The following UGT1A10 variants were observed in gnomAD, a reference collection of about 807,000 sequenced individuals.
UGT1A10 encodes UDP-glucuronosyltransferase 1A10.
In UGT1A10, 49 loss-of-function variants were observed where a neutral mutation model predicts 45.8. The observed-to-expected ratio is 1.07, with a 90% CI of 0.85 to 1.36. UGT1A10 has a LOEUF of 1.36. Among genes scored for constraint, UGT1A10 ranks in the 40% most tolerant of loss-of-function variants. UGT1A10 has a pLI of 0.00. For missense variants in UGT1A10, 745 were observed against 668.6 expected (o/e 1.11, Z -1.26); for synonymous variants, 284 against 249.7 (o/e 1.14, Z -1.29).
chr2:233,728,938 C>T (rs1263603941), intron 1 of UGT1A10, among the ~76,000 whole-genome samples: 18 of 152,162 alleles, frequency 1.2e-4, no homozygotes, highest in Admixed American at 9.2e-4. Flanking sequence ...CGGTCTTTTC[C>T]AGGGTGGGGC....
At chr2:233,653,006 G>A (rs768465175) in intron 1 of UGT1A10, among the ~76,000 whole-genome samples, 9 of 152,122 alleles carry the variant, frequency 5.9e-5, no homozygotes, top group African/African-American at 2.2e-4. Flanking sequence ...GGACACTATC[G>A]AGAGAGTGAA....
At chr2:233,666,571 G>C (rs1358698571) in intron 1 of UGT1A10, among the ~76,000 whole-genome samples, 1 of 151,710 alleles carries the variant, frequency 6.6e-6, no homozygotes, top group African/African-American at 2.4e-5. Context: ...TTATATTCTG[G>C]ATATTTATCC....
chr2:233,747,095 T>C, intron 1 of UGT1A10: 1 of 1,292,004 alleles, frequency 7.7e-7, no homozygotes, highest in South Asian at 1.4e-5. Context: ...GAGCACTCTA[T>C]CTTCCAATTA....
At chr2:233,702,551 G>A (rs1489812994) in intron 1 of UGT1A10, among the ~76,000 whole-genome samples, 1 of 152,126 alleles carries the variant, frequency 6.6e-6, no homozygotes, top group Admixed American at 6.5e-5. Flanking sequence ...CTTAGGTGGG[G>A]AAGTATTCAG....
chr2:233,761,269 T>C, intron 1 of UGT1A10: 1 of 1,591,986 alleles, frequency 6.3e-7, no homozygotes, highest in Non-Finnish European at 8.6e-7. Context: ...TAAAATGCCC[T>C]CTTTTGTTAA....
rs201446096 is a variant in UGT1A10, at chr2:233,743,635, G to A, written c.856-23399G>A. On this transcript the variant is annotated intron_variant, in intron 1 of 4. Transcript: ENST00000344644. ...ACTCCCTGAAGACGTCGGCTGGGTC[G>A]CGGAAGCTGAAGACGTACTCGAAGG... 1.1e-3 allele frequency: 1,545 copies of A among 1,367,290 alleles called. 32 individuals are homozygous for A. In the South Asian group the frequency reaches 0.016, roughly 14 times the overall value. 84.7% of individuals were successfully genotyped at this position (1,367,290 alleles called of 1,614,324 possible).
At chr2:233,729,740 T>G (rs1312965874) in intron 1 of UGT1A10, 8 of 1,613,982 alleles carry the variant, frequency 5.0e-6, no homozygotes, top group Non-Finnish European at 6.8e-6. Flanking sequence ...TCAGACCACA[T>G]GACATTCATG....
At chr2:233,662,419 C>T (rs958044075) in intron 1 of UGT1A10, among the ~76,000 whole-genome samples, 1 of 152,036 alleles carries the variant, frequency 6.6e-6, no homozygotes, top group Non-Finnish European at 1.5e-5. Context: ...ATAAATGGAC[C>T]AACACCGTTG....
intron 1 of UGT1A10, among the ~76,000 whole-genome samples, chr2:233,750,313 G>A (rs771839306): frequency 6.6e-6 from 1 of 151,862 alleles, no homozygotes; most frequent in Non-Finnish European, 1.5e-5. Context: ...AGAGATCTGT[G>A]GAACTTTGAA....
At position 233,732,704 on chromosome 2, in the gene UGT1A10, T is replaced by A. The variant is rs2078302376; in HGVS notation, c.856-34330T>A. 3.3e-5 allele frequency among the ~76,000 whole-genome samples: 5 copies of A among 152,126 alleles called. No homozygotes were observed. In the South Asian group the frequency reaches 1.0e-3, roughly 31 times the overall value. On this transcript the variant is annotated intron_variant, in intron 1 of 4. Coordinates refer to ENST00000344644, the MANE Select transcript of UGT1A10 (RefSeq NM_019075.4). ...ACCAGCACCCATGCTGTTTTGTTAC[T>A]GTAGCCTTGTAGTACAGTTTGAAGT...
chr2:233,768,682 G>A (rs375377866), intron 4 of UGT1A10, among the ~76,000 whole-genome samples: 30 of 141,324 alleles, frequency 2.1e-4, no homozygotes, highest in South Asian at 1.6e-3. Flanking sequence ...CACCTCCCAC[G>A]TTCAAGCAGT....
intron 1 of UGT1A10, among the ~76,000 whole-genome samples, chr2:233,658,398 A>G (rs1006150153): frequency 1.3e-5 from 2 of 152,212 alleles, no homozygotes; most frequent in African/African-American, 4.8e-5. Context: ...ATGATGAACT[A>G]AAGTCTGTGT....
At chr2:233,683,915 G>C (rs2074656487) in intron 1 of UGT1A10, among the ~76,000 whole-genome samples, 1 of 152,106 alleles carries the variant, frequency 6.6e-6, no homozygotes, top group Admixed American at 6.5e-5. Flanking sequence ...GGAGCATATA[G>C]TTCCAAAATA....
chr2:233,681,869 T>C (rs777670351), intron 1 of UGT1A10: 5 of 1,539,726 alleles, frequency 3.2e-6, no homozygotes, highest in Non-Finnish European at 3.5e-6. Context: ...GTTCTATCTG[T>C]ACTTCTTCCA....
At chr2:233,665,688 G>A (rs1414978073) in intron 1 of UGT1A10, among the ~76,000 whole-genome samples, 1 of 152,200 alleles carries the variant, frequency 6.6e-6, no homozygotes, top group Non-Finnish European at 1.5e-5. Flanking sequence ...CCAGGGAGGT[G>A]CACTGCATCC....
At chr2:233,639,479 G>A (rs6727234) in intron 1 of UGT1A10, among the ~76,000 whole-genome samples, 4,590 of 152,278 alleles carry the variant, frequency 0.03, 214 homozygotes, top group African/African-American at 0.1. Context: ...ATGCCAGGAT[G>A]TGTCTGGGAA....
chr2:233,760,123 C>T, intron 1 of UGT1A10: 1 of 1,299,838 alleles, frequency 7.7e-7, no homozygotes, highest in East Asian at 2.5e-5. Context: ...AATAAAGCTC[C>T]ACCTTCTTTA....
Position 233,768,229 on chromosome 2 carries a change from T to C in UGT1A10, c.1085T>C (p.Met362Thr), listed in dbSNP as rs371224646. ...CTATTTTGCATCTCAGGTCACCCGATGACCCGTGCCTTTATCACCCATGCT... is the reference window on the plus strand; with the variant it reads ...CTATTTTGCATCTCAGGTCACCCGACGACCCGTGCCTTTATCACCCATGCT... Reference protein sequence around the residue: ...LPQNDLLGHPMTRAFITHAGS... With the variant: ...LPQNDLLGHPTTRAFITHAGS... Residue 362 changes from methionine to threonine, a missense_variant, in exon 4 of 5, where the codon ATG (methionine) becomes ACG (threonine). Coordinates refer to ENST00000344644, the MANE Select transcript of UGT1A10 (RefSeq NM_019075.4). 3.1e-6 allele frequency: 5 copies of C among 1,614,112 alleles called. No homozygotes were observed. The highest frequency in any genetic ancestry group is 4.2e-6 in the Non-Finnish European group (5 of 1,180,052).
At chr2:233,684,786 G>C (rs2074701046) in intron 1 of UGT1A10, among the ~76,000 whole-genome samples, 1 of 152,130 alleles carries the variant, frequency 6.6e-6, no homozygotes, top group African/African-American at 2.4e-5. Context: ...CTTTGGCAAA[G>C]AGCCCTGGAT....
Sources: gnomAD v4.1 joint callset for allele counts (sites outside exome capture counted in the v4.1 genomes callset) on GRCh38, gnomAD v4.1.1 for gene constraint, MANE v1.5 for transcripts, NCBI Gene and HGNC (gene_info 2026-07-23, HGNC 2026-07-21) for gene names.